RPRD2: variants seen among roughly 807,000 people sequenced by gnomAD.
RPRD2 encodes regulation of nuclear pre-mRNA domain-containing protein 2.
Under a neutral mutation model 104.4 loss-of-function variants are expected in RPRD2, and 12 were observed. The ratio of observed to expected loss-of-function variants is 0.11; its 90% CI spans 0.07 to 0.19. The LOEUF is 0.19. RPRD2 is among the 10% of genes least tolerant of loss of function. The pLI is 1.00. For synonymous variants in RPRD2, 714 were observed against 684.9 expected, an observed-to-expected ratio of 1.04 and a Z score of -0.66; for missense variants, 1,543 against 1,790.1, an observed-to-expected ratio of 0.86 and a Z score of 2.49.
chr1:150,411,332 G>A (rs1219163005), intron 1 of RPRD2, among the ~76,000 whole-genome samples: 2 of 149,560 alleles, frequency 1.3e-5, no homozygotes, highest in African/African-American at 2.5e-5. Context: ...GTGCTGATGC[G>A]CACCCGTAGT....
At chr1:150,446,081 A>AG (rs1666753798) in intron 6 of RPRD2, 145 bp from the exon 7 acceptor site, 2 of 511,622 alleles carry the variant, frequency 3.9e-6, no homozygotes, top group Admixed American at 3.9e-5. Context: ...AAAAAAAAAA[A>AG]AGAAAGAAAC....
intron 2 of RPRD2, among the ~76,000 whole-genome samples, chr1:150,435,649 A>C (rs1231148254): frequency 6.6e-6 from 1 of 152,242 alleles, no homozygotes; most frequent in Non-Finnish European, 1.5e-5. Flanking sequence ...GAAGGTTGAG[A>C]GAGGTGAGGA....
At chr1:150,406,399 T>G (rs1230042723) in intron 1 of RPRD2, among the ~76,000 whole-genome samples, 3 of 152,190 alleles carry the variant, frequency 2.0e-5, no homozygotes. Context: ...TCTGGCTTAG[T>G]ACTTACAGGT....
chr1:150,378,027 C>T (rs890787560), intron 1 of RPRD2, among the ~76,000 whole-genome samples: 6 of 151,886 alleles, frequency 4.0e-5, no homozygotes, highest in Admixed American at 2.6e-4. Context: ...GCAGAAGTCA[C>T]GTGAAGGTAA....
chr1:150,443,869 T>C (rs1666575178), intron 5 of RPRD2, among the ~76,000 whole-genome samples: 1 of 149,960 alleles, frequency 6.7e-6, no homozygotes, highest in African/African-American at 2.5e-5. Flanking sequence ...AAAACAAAAA[T>C]TAGCTGGGCG....
At chr1:150,373,429 A>C (rs1467015844) in intron 1 of RPRD2, among the ~76,000 whole-genome samples, 1 of 151,996 alleles carries the variant, frequency 6.6e-6, no homozygotes, top group African/African-American at 2.4e-5. Flanking sequence ...GGCCAGCGGA[A>C]GTGATAAGTA....
chr1:150,473,200 C>G lies in RPRD2; in HGVS notation c.4252C>G (p.Arg1418Gly), dbSNP rs759818220. 31 of 1,613,850 alleles carry G rather than the reference C, an allele frequency of 1.9e-5. No homozygotes were observed. The highest frequency in any genetic ancestry group is 2.5e-5 in the Non-Finnish European group (30 of 1,179,878). ...SRSGIILRSPRPDFRPREPFL... is the reference protein window; with the variant it reads ...SRSGIILRSPGPDFRPREPFL... Reference sequence around the variant, plus strand: ...GAGTGGTATAATCTTACGGAGTCCCCGGCCAGACTTTCGGCCTAGGGAACC... The same window carrying G: ...GAGTGGTATAATCTTACGGAGTCCCGGGCCAGACTTTCGGCCTAGGGAACC... The change falls in exon 11 of 11, where the codon CGG becomes GGG. Residue 1418 changes from arginine (R) to glycine (G), a missense_variant. Physicochemically the swap from Arg to Gly is moderately radical, Grantham distance 125 (BLOSUM62 -2). This residue lies in a region of RPRD2 where 880 missense variants were observed against 885.6 expected (regional missense o/e 0.99). Coordinates refer to ENST00000369068, the MANE Select transcript of RPRD2 (RefSeq NM_015203.5).
At chr1:150,371,407 A>G (rs1240249758) in intron 1 of RPRD2, among the ~76,000 whole-genome samples, 1 of 152,212 alleles carries the variant, frequency 6.6e-6, no homozygotes, top group Non-Finnish European at 1.5e-5. Context: ...TCTGTCACCC[A>G]GGCTAGAGTG....
chr1:150,472,570 G>A lies in RPRD2; in HGVS notation c.3622G>A (p.Glu1208Lys). ...PLEHGTPFQR[E>K]PVGPSSAPPV... ...GGAACATGGGACACCCTTCCAGAGA[G>A]AGCCAGTGGGGCCATCATCTGCCCC... The change falls in exon 11 of 11, where the codon GAG becomes AAG. Residue 1208 changes from glutamate to lysine, a missense_variant. Coordinates refer to ENST00000369068, the MANE Select transcript of RPRD2 (RefSeq NM_015203.5). 1 of 1,613,920 alleles carries A rather than the reference G, an allele frequency of 6.2e-7. No individual in the cohort carries two copies. Among genetic ancestry groups the A allele is most frequent in the Non-Finnish European group, 8.5e-7 (1 of 1,179,860 alleles).
chr1:150,413,024 G>A (rs4926430), intron 1 of RPRD2, among the ~76,000 whole-genome samples: 7,255 of 151,884 alleles, frequency 0.048, 436 homozygotes, highest in African/African-American at 0.13. Flanking sequence ...AATAAATTTG[G>A]CAACAATATA....
chr1:150,460,302 G>A lies in RPRD2; in HGVS notation c.1396G>A (p.Val466Ile). Residue 466 changes from valine to isoleucine, a missense_variant, in exon 9 of 11, where the codon GTC (valine) becomes ATC (isoleucine). By Grantham distance (29) the Val-to-Ile change is conservative. Around this residue, in one of 4 missense-constraint regions of RPRD2, gnomAD observed 572 missense variants for 787.3 expected, o/e 0.73. Coordinates refer to ENST00000369068, the MANE Select transcript of RPRD2 (RefSeq NM_015203.5). ...TTCCATCCTTAGCAGTTTAACATCAGTCATGAAAAATACTGGTAAGTAAGC... is the reference window on the plus strand; with the variant it reads ...TTCCATCCTTAGCAGTTTAACATCAATCATGAAAAATACTGGTAAGTAAGC... ...ISSILSSLTS[V>I]MKNTGVSPAS... The A allele has an allele frequency of 6.2e-7, 1 of 1,611,360 alleles. No homozygotes were observed.
intron 2 of RPRD2, among the ~76,000 whole-genome samples, chr1:150,437,373 G>A (rs1401488931): frequency 7.2e-5 from 11 of 152,146 alleles, no homozygotes; most frequent in Non-Finnish European, 1.3e-4. Flanking sequence ...GTGCATGCCT[G>A]CAGTCCCAGC....
At chr1:150,395,181 A>G (rs1662404050) in intron 1 of RPRD2, among the ~76,000 whole-genome samples, 1 of 152,066 alleles carries the variant, frequency 6.6e-6, no homozygotes. Flanking sequence ...TGAGTCCCCA[A>G]AGTCCACTGT....
At chr1:150,435,010 T>C (rs1665901294) in intron 2 of RPRD2, among the ~76,000 whole-genome samples, 1 of 152,226 alleles carries the variant, frequency 6.6e-6, no homozygotes, top group African/African-American at 2.4e-5. Context: ...CCTGTGCCTA[T>C]TGGTGCTATT....
At chr1:150,366,417 T>TA (rs1478190043) in intron 1 of RPRD2, among the ~76,000 whole-genome samples, 1 of 152,246 alleles carries the variant, frequency 6.6e-6, no homozygotes, top group Non-Finnish European at 1.5e-5. Flanking sequence ...AATTAGTAGA[T>TA]ACCGGACAGA....
intron 2 of RPRD2, among the ~76,000 whole-genome samples, chr1:150,422,858 C>T (rs782387245): frequency 6.6e-5 from 10 of 152,076 alleles, no homozygotes; most frequent in African/African-American, 2.2e-4. Flanking sequence ...GGTGGACTCA[C>T]GGCCACATGT....
Position 150,471,602 on chromosome 1 carries a change from T to A in RPRD2, c.2654T>A (p.Val885Glu). Reference protein sequence around the residue: ...SYSHRAQEFGVKSAFPPSVRA... With the variant: ...SYSHRAQEFGEKSAFPPSVRA... The stretch of plus-strand genomic sequence containing the variant: ...AGCCACAGAGCCCAAGAATTTGGGG[T>A]AAAGTCTGCCTTCCCTCCATCTGTA... Residue 885 changes from valine to glutamate, a missense_variant, in exon 11 of 11, where the codon GTA becomes GAA. Val to Glu is a moderately radical substitution (Grantham distance 121). Coordinates refer to ENST00000369068, the MANE Select transcript of RPRD2 (RefSeq NM_015203.5). The surrounding 1 kb of genome is among the most constrained non-coding windows in gnomAD (Gnocchi z 5.3). 6.2e-7 allele frequency: 1 copy of A among 1,613,666 alleles called. No individual in the cohort carries two copies. Among genetic ancestry groups the A allele is most frequent in the Non-Finnish European group, 8.5e-7 (1 of 1,179,814 alleles).
At chr1:150,422,216 C>T (rs1165718837) in intron 2 of RPRD2, among the ~76,000 whole-genome samples, 3 of 151,042 alleles carry the variant, frequency 2.0e-5, no homozygotes, top group South Asian at 2.1e-4. Context: ...TGGTGGCGGG[C>T]GCCTGTAGTT....
In RPRD2 at chr1:150,472,113, G is replaced by A; in HGVS notation, c.3165G>A (p.Gln1055=). The part of the protein sequence containing the change: ...TQPSLTATDQ[Q]QQEEHYRIET... ...CCAGCTTGACCGCCACTGATCAGCA[G>A]CAACAAGAAGAGCACTACCGCATAG... Residue 1055 remains glutamine (Q), a synonymous_variant, in exon 11 of 11, where the codon CAG becomes CAA. Transcript: ENST00000369068. 6.2e-7 allele frequency: 1 copy of A among 1,613,834 alleles called. No homozygotes were observed. The highest frequency in any genetic ancestry group is 8.5e-7 in the Non-Finnish European group (1 of 1,179,900).
Sources: allele counts gnomAD v4.1 joint callset (sites outside exome capture counted in the v4.1 genomes callset), GRCh38; gene constraint gnomAD v4.1.1; regional missense constraint gnomAD v4.1.1; non-coding constraint Gnocchi (gnomAD v3.1); transcripts MANE v1.5; gene names NCBI Gene and HGNC (gene_info 2026-07-23, HGNC 2026-07-21).